The following MCM9 variants were observed in gnomAD, a reference collection of about 807,000 sequenced individuals.
MCM9 encodes minichromosome maintenance 9 homologous recombination repair factor, also known as DNA helicase MCM9.
MCM9 carries 55 observed loss-of-function variants against 72.8 expected under a neutral mutation model. The observed-to-expected ratio is 0.76, with a 90% CI of 0.61 to 0.95. The LOEUF is 0.95. MCM9 is among the 40% of genes least tolerant of loss of function. MCM9 has a pLI of 0.00. For missense variants in MCM9, 1,279 were observed against 1,377.0 expected (o/e 0.93, Z 1.13); for synonymous variants, 480 against 503.4 (o/e 0.95, Z 0.62).
chr6:118,924,136 GA>G lies in MCM9; in HGVS notation c.305-10del. 5.6e-6 allele frequency: 9 copies of G among 1,595,710 alleles called. No homozygotes were observed. The highest frequency in any genetic ancestry group is 7.7e-6 in the Non-Finnish European group (9 of 1,171,098). The stretch of plus-strand genomic sequence containing the variant: ...AGGACAGACAGGCAAACCTGATGGA[GA>G]AAACAAAAAAACAGCATCAACTTCA... On this transcript the variant is annotated splice_polypyrimidine_tract_variant and intron_variant, in intron 3 of 13. Coordinates refer to ENST00000619706, the MANE Select transcript of MCM9 (RefSeq NM_017696.3).
chr6:118,905,149 T>C (rs1043513707), intron 8 of MCM9, among the ~76,000 whole-genome samples: 1 of 152,230 alleles, frequency 6.6e-6, no homozygotes, highest in African/African-American at 2.4e-5. Flanking sequence ...TTTTCAGTTT[T>C]ATACTAATTT....
chr6:118,870,219 C>T (rs1199770605), intron 8 of MCM9, among the ~76,000 whole-genome samples: 1 of 152,122 alleles, frequency 6.6e-6, no homozygotes, highest in Non-Finnish European at 1.5e-5. Context: ...CAGGAATACA[C>T]AAAATATTCT....
At chr6:118,890,938 AG>A (rs1256869254) in intron 8 of MCM9, among the ~76,000 whole-genome samples, 1 of 152,248 alleles carries the variant, frequency 6.6e-6, no homozygotes, top group African/African-American at 2.4e-5. Context: ...GCTAGAGGTT[AG>A]TACTTCCATT....
At chr6:118,853,124 T>A (rs1419119710) in intron 9 of MCM9, among the ~76,000 whole-genome samples, 1 of 152,194 alleles carries the variant, frequency 6.6e-6, no homozygotes, top group Non-Finnish European at 1.5e-5. Flanking sequence ...TGGGTATAGG[T>A]CTTTGTAGGT....
chr6:118,854,471 G>C (rs961804480), intron 9 of MCM9, among the ~76,000 whole-genome samples: 6 of 152,224 alleles, frequency 3.9e-5, no homozygotes, highest in Non-Finnish European at 8.8e-5. Flanking sequence ...TCCTGCCTCA[G>C]CCTCCCGAGT....
intron 3 of MCM9, among the ~76,000 whole-genome samples, chr6:118,925,886 G>C (rs1295539903): frequency 6.6e-6 from 1 of 151,288 alleles, no homozygotes; most frequent in African/African-American, 2.4e-5. Flanking sequence ...CATTTATTTT[G>C]CTCCCTACAT....
intron 9 of MCM9, among the ~76,000 whole-genome samples, chr6:118,836,576 G>C (rs766661843): frequency 1.3e-5 from 2 of 152,166 alleles, no homozygotes; most frequent in Non-Finnish European, 2.9e-5. Flanking sequence ...AGTCTTGGGA[G>C]GGTGTATGAG....
At chr6:118,866,310 A>G (rs1010313196) in intron 8 of MCM9, among the ~76,000 whole-genome samples, 1 of 152,216 alleles carries the variant, frequency 6.6e-6, no homozygotes, top group Non-Finnish European at 1.5e-5. Context: ...GAGTCATGGA[A>G]AATGAAGAAA....
Position 118,815,438 on chromosome 6 carries a change from G to A in MCM9, c.2818C>T (p.His940Tyr). The change falls in exon 14 of 14, where the codon CAT becomes TAT. Residue 940 changes from histidine (H) to tyrosine (Y), a missense_variant. Physicochemically the swap from His to Tyr is moderately conservative, Grantham distance 83. Coordinates refer to ENST00000619706, the MANE Select transcript of MCM9 (RefSeq NM_017696.3). ...ATTTTAGTTGCACCAGGTGACACAT[G>A]GCTGTGATCTTCAAAGGAGTGGATC... ...KLIHSFEDHS[H>Y]VSPGATKIAV... 1 of 1,550,452 alleles carries A rather than the reference G, an allele frequency of 6.4e-7. No homozygotes were observed.
intron 8 of MCM9, among the ~76,000 whole-genome samples, chr6:118,893,409 A>G (rs990327533): frequency 5.9e-5 from 9 of 152,300 alleles, no homozygotes; most frequent in South Asian, 2.1e-4. Flanking sequence ...TCCAAATGGC[A>G]GTAACCTGAA....
chr6:118,875,627 C>A (rs533201218), intron 8 of MCM9, among the ~76,000 whole-genome samples: 1 of 146,468 alleles, frequency 6.8e-6, no homozygotes, highest in South Asian at 2.2e-4. Context: ...CAGAGTGAGA[C>A]CCTGTCTCAA....
chr6:118,931,819 A>T (rs1342213331), intron 2 of MCM9, 81 bp from the exon 3 acceptor site: 1 of 1,070,398 alleles, frequency 9.3e-7, no homozygotes, highest in Admixed American at 2.8e-5. Context: ...TTGGTTATAA[A>T]TCACACTGGC....
chr6:118,925,433 A>G lies in MCM9; in HGVS notation c.305-1306T>C, dbSNP rs971095530. 1.3e-4 allele frequency among the ~76,000 whole-genome samples: 20 copies of G among 152,308 alleles called. No homozygotes were observed. In the East Asian group the frequency reaches 2.5e-3, roughly 19 times the overall value. On this transcript the variant is annotated intron_variant, in intron 3 of 13. Transcript: ENST00000619706. ...GTTGATACATCTATTCTGAAAGCCA[A>G]TCAGAAGGTAGTTTAGGAAGTATGA... is the stretch of plus-strand genomic sequence containing the variant.
intron 12 of MCM9, 68 bp from the exon 13 acceptor site, chr6:118,826,360 G>A: frequency 2.7e-6 from 4 of 1,470,730 alleles, no homozygotes; most frequent in South Asian, 1.4e-5. Context: ...ACACTCTAGG[G>A]ACCAGCAATC....
chr6:118,817,037 G>A (rs1023303702), intron 13 of MCM9, among the ~76,000 whole-genome samples: 2 of 151,832 alleles, frequency 1.3e-5, no homozygotes, highest in Non-Finnish European at 2.9e-5. Context: ...TGAAAGATCT[G>A]TTCAGTGATA....
At chr6:118,843,714 A>ATATATG (rs1775653304) in intron 9 of MCM9, among the ~76,000 whole-genome samples, 1 of 80,932 alleles carries the variant, frequency 1.2e-5, no homozygotes, top group Admixed American at 1.5e-4. Flanking sequence ...GTATGTATAT[A>ATATATG]TATATGTATA....
In MCM9 at chr6:118,828,752, A is replaced by G. The variant is rs147193690; in HGVS notation, c.1528+296T>C. Among the ~76,000 whole-genome samples, 278 of 152,294 alleles carry G rather than the reference A, an allele frequency of 1.8e-3. 1 individual carries two copies. Among genetic ancestry groups the G allele is most frequent in the South Asian group, 0.01 (50 of 4,832 alleles). Reference sequence around the variant, plus strand: ...GTTTCACAATTCATTCTGGTTTTATATGCAAGAGGTGAGCGTTAATTCTGT... The same window carrying G: ...GTTTCACAATTCATTCTGGTTTTATGTGCAAGAGGTGAGCGTTAATTCTGT... On this transcript the variant is annotated intron_variant, in intron 10 of 13. Transcript: ENST00000619706.
In MCM9 at chr6:118,815,022, C is replaced by CTGTCATT; in HGVS notation, c.3233_3234insAATGACA (p.Lys1079MetfsTer7). On this transcript the variant is annotated frameshift_variant, in exon 14 of 14. Transcript: ENST00000619706. LOFTEE classifies it low-confidence loss of function (END_TRUNC). ...TTGGGCCTCTCTCACCTCGGTTCTTCCTTTCAGGAGGAGGGGATTTTGATT... is the reference window on the plus strand; with the variant it reads ...TTGGGCCTCTCTCACCTCGGTTCTTCTGTCATTCTTTCAGGAGGAGGGGATTTTGATT... 2 of 1,550,200 alleles carry CTGTCATT rather than the reference C, an allele frequency of 1.3e-6. No homozygotes were observed. Among genetic ancestry groups the CTGTCATT allele is most frequent in the Non-Finnish European group, 1.7e-6 (2 of 1,146,770 alleles).
At chr6:118,897,211 A>C (rs114846340) in intron 8 of MCM9, among the ~76,000 whole-genome samples, 2,123 of 152,286 alleles carry the variant, frequency 0.014, 42 homozygotes, top group African/African-American at 0.049. Context: ...GAGTTTGGCC[A>C]CCGTTTTTCA....
Sources: gnomAD v4.1 joint callset for allele counts (sites outside exome capture counted in the v4.1 genomes callset) on GRCh38, gnomAD v4.1.1 for gene constraint, MANE v1.5 for transcripts, NCBI Gene and HGNC (gene_info 2026-07-23, HGNC 2026-07-21) for gene names.